The following COL24A1 variants were observed in gnomAD, a reference collection of about 807,000 sequenced individuals.
COL24A1 encodes the protein collagen type XXIV alpha 1 chain.
Under a neutral mutation model 253.9 loss-of-function variants are expected in COL24A1, and 224 were observed. That is an observed-to-expected ratio of 0.88 (90% confidence interval 0.79 to 0.99). The LOEUF is 0.99. Ranked by LOEUF, COL24A1 falls within the 50% of genes least tolerant of loss-of-function variation. COL24A1 has a pLI of 0.00. For missense variants in COL24A1, 2,131 were observed against 2,068.5 expected (o/e 1.03, Z -0.59); for synonymous variants, 685 against 673.7 (o/e 1.02, Z -0.26).
intron 3 of COL24A1, among the ~76,000 whole-genome samples, chr1:86,116,868 T>C (rs1231223824): frequency 1.3e-5 from 2 of 152,166 alleles, no homozygotes; most frequent in Non-Finnish European, 2.9e-5. Context: ...GAGGGCATTC[T>C]CCTTCCTCAG....
At chr1:85,782,748 C>T (rs12754358) in intron 51 of COL24A1, among the ~76,000 whole-genome samples, 35,214 of 152,160 alleles carry the variant, frequency 0.23, 4,657 homozygotes, top group Admixed American at 0.29. Context: ...TCTGCTCTTT[C>T]AACACTTGCC....
At chr1:85,862,839 A>T (rs1254580228) in intron 37 of COL24A1, among the ~76,000 whole-genome samples, 1 of 152,114 alleles carries the variant, frequency 6.6e-6, no homozygotes, top group Non-Finnish European at 1.5e-5. Flanking sequence ...GAAACAAGAA[A>T]CACTTCTGTG....
intron 7 of COL24A1, among the ~76,000 whole-genome samples, chr1:86,066,965 C>T (rs995179407): frequency 6.6e-6 from 1 of 151,866 alleles, no homozygotes; most frequent in Non-Finnish European, 1.5e-5. Context: ...TGATGAAACC[C>T]GTCTCTATTA....
chr1:85,902,890 A>AT (rs1299441523), intron 28 of COL24A1, among the ~76,000 whole-genome samples: 3 of 152,314 alleles, frequency 2.0e-5, no homozygotes, highest in African/African-American at 7.2e-5. Context: ...ATTTCAAAAT[A>AT]ACCAGAAGAG....
rs1169831426 is a variant in COL24A1 at position 86,022,937 on chromosome 1, T to A, written c.2103+17A>T. ...ACAGATTAAAGGGAAATATCCATTA[T>A]ACAAATAGAACCATACCATTGGGCC... On this transcript the variant is annotated intron_variant, in intron 15 of 59. Coordinates refer to ENST00000370571, the MANE Select transcript of COL24A1 (RefSeq NM_152890.7). The A allele has an allele frequency of 1.2e-6, 2 of 1,613,102 alleles. No individual in the cohort carries two copies.
intron 47 of COL24A1, among the ~76,000 whole-genome samples, chr1:85,802,967 T>A (rs1028103810): frequency 2.6e-5 from 4 of 152,208 alleles, no homozygotes; most frequent in Non-Finnish European, 4.4e-5. Flanking sequence ...CATTCACTTT[T>A]TGATGGACAT....
At chr1:85,966,124 A>C (rs981170974) in intron 22 of COL24A1, among the ~76,000 whole-genome samples, 4 of 152,128 alleles carry the variant, frequency 2.6e-5, no homozygotes, top group African/African-American at 9.7e-5. Context: ...GAGTGGTAAG[A>C]TTCTGGATAT....
intron 47 of COL24A1, among the ~76,000 whole-genome samples, chr1:85,802,696 G>T (rs1671562296): frequency 6.6e-6 from 1 of 152,030 alleles, no homozygotes; most frequent in Non-Finnish European, 1.5e-5. Flanking sequence ...ACTACCCCTA[G>T]AAGTTTTTCC....
chr1:85,964,736 T>C (rs1014905368), intron 23 of COL24A1, among the ~76,000 whole-genome samples: 7 of 152,094 alleles, frequency 4.6e-5, no homozygotes, highest in African/African-American at 1.4e-4. Context: ...ATTCTTAACT[T>C]GTAAGCATGT....
chr1:85,820,581 A>G (rs1211033613), intron 45 of COL24A1, among the ~76,000 whole-genome samples: 2 of 152,218 alleles, frequency 1.3e-5, no homozygotes, highest in Non-Finnish European at 2.9e-5. Flanking sequence ...TGAACAGATG[A>G]TGACTGAAGA....
At chr1:86,044,610 A>G (rs1699763179) in intron 12 of COL24A1, among the ~76,000 whole-genome samples, 2 of 152,324 alleles carry the variant, frequency 1.3e-5, no homozygotes, top group South Asian at 2.1e-4. Context: ...AGTGCAATCA[A>G]ACAAGAGCCC....
At chr1:86,046,770 C>A in intron 12 of COL24A1, 55 bp downstream of exon 12, 1 of 1,592,962 alleles carries the variant, frequency 6.3e-7, no homozygotes, top group Non-Finnish European at 8.6e-7. Context: ...AGTAAGAACA[C>A]ATAACCAGGT....
chr1:86,124,464 T>C (rs559452299), intron 3 of COL24A1, among the ~76,000 whole-genome samples: 1 of 152,158 alleles, frequency 6.6e-6, no homozygotes, highest in East Asian at 1.9e-4. Context: ...CCATATCTTT[T>C]ATATACTTCT....
intron 24 of COL24A1, among the ~76,000 whole-genome samples, chr1:85,924,917 A>G (rs1687008136): frequency 6.6e-6 from 1 of 152,204 alleles, no homozygotes; most frequent in Admixed American, 6.5e-5. Flanking sequence ...GTATACTTAG[A>G]AAACTCCATC....
chr1:86,055,278 A>G (rs1431075409), intron 10 of COL24A1, among the ~76,000 whole-genome samples: 1 of 152,170 alleles, frequency 6.6e-6, no homozygotes, highest in Admixed American at 6.5e-5. Context: ...CTGCACATAT[A>G]CCCCTAAATT....
In COL24A1 at chr1:85,812,113, T is replaced by C. The variant is rs200619623; in HGVS notation, c.3951+4675A>G. Among the ~76,000 whole-genome samples the C allele has an allele frequency of 5.3e-5, 8 of 152,294 alleles. No homozygotes were observed. The East Asian group carries it at 1.5e-3, about 29-fold the overall frequency. ...CAAATGGCTACGCTCTCGTTCTCTG[T>C]TTTGCCCATTATGAACTCGGTAATA... On this transcript the variant is annotated intron_variant, in intron 47 of 59. Coordinates refer to ENST00000370571, the MANE Select transcript of COL24A1 (RefSeq NM_152890.7).
chr1:86,063,616 AGAAAAATTGAAAAAATGGGG>A, intron 8 of COL24A1, 79 bp downstream of exon 8: 1 of 792,142 alleles, frequency 1.3e-6, no homozygotes, highest in East Asian at 2.9e-5. Context: ...ATCACTGAGA[AGAAAAATTGAAAAAATGGGG>A]GAAAATAATC....
chr1:85,837,207 T>C (rs1035354168), intron 43 of COL24A1, among the ~76,000 whole-genome samples: 2 of 152,180 alleles, frequency 1.3e-5, no homozygotes, highest in Non-Finnish European at 1.5e-5. Flanking sequence ...ACAAATGTTA[T>C]GTAAATTGGA....
intron 38 of COL24A1, among the ~76,000 whole-genome samples, chr1:85,848,309 T>C (rs959308979): frequency 6.6e-6 from 1 of 152,154 alleles, no homozygotes; most frequent in African/African-American, 2.4e-5. Flanking sequence ...GACCTTTCTT[T>C]TTTGTTGTTG....
Sources: gnomAD v4.1 joint callset for allele counts (sites outside exome capture counted in the v4.1 genomes callset) on GRCh38, gnomAD v4.1.1 for gene constraint, MANE v1.5 for transcripts, NCBI Gene and HGNC (gene_info 2026-07-23, HGNC 2026-07-21) for gene names.